Variants in MGA observed in about 807,000 individuals in gnomAD.
MGA encodes the protein MAX gene-associated protein.
A neutral mutation model predicts 261.1 loss-of-function variants in MGA; 40 were observed. The ratio of observed to expected loss-of-function variants is 0.15; its 90% CI spans 0.12 to 0.20. MGA has a LOEUF of 0.20. Among genes scored for constraint, MGA ranks in the 10% least tolerant of loss-of-function variants. The pLI is 1.00. For missense variants in MGA, 3,397 were observed against 3,630.5 expected, an observed-to-expected ratio of 0.94 and a Z score of 1.65; for synonymous variants, 1,302 against 1,290.6, an observed-to-expected ratio of 1.01 and a Z score of -0.19.
intron 2 of MGA, among the ~76,000 whole-genome samples, chr15:41,682,847 T>C (rs1205614003): frequency 6.6e-6 from 1 of 152,148 alleles, no homozygotes; most frequent in African/African-American, 2.4e-5. Context: ...TTTTGTTGTT[T>C]TGTGAAGTTC....
intron 22 of MGA, among the ~76,000 whole-genome samples, chr15:41,764,612 C>T (rs1010500184): frequency 6.6e-6 from 1 of 152,016 alleles, no homozygotes; most frequent in African/African-American, 2.4e-5. Context: ...GTCTCGCTTG[C>T]AGCCTTGACC....
At chr15:41,698,756 C>A in intron 3 of MGA, 107 bp from the exon 4 acceptor site, 1 of 762,452 alleles carries the variant, frequency 1.3e-6, no homozygotes, top group Non-Finnish European at 2.1e-6. Flanking sequence ...TAACTGTAGG[C>A]ATGGAGATAT....
chr15:41,678,184 A>T (rs1595682302), intron 2 of MGA, among the ~76,000 whole-genome samples: 1 of 149,026 alleles, frequency 6.7e-6, no homozygotes, highest in East Asian at 2.0e-4. Flanking sequence ...TGTGCCTCCC[A>T]GGTTCAAGCG....
chr15:41,720,781 C>A (rs781035154), intron 9 of MGA, among the ~76,000 whole-genome samples: 1 of 151,860 alleles, frequency 6.6e-6, no homozygotes, highest in Non-Finnish European at 1.5e-5. Context: ...TGCAGTGAGC[C>A]GAGATTGCAC....
chr15:41,630,135 T>C (rs1365231854), intron 1 of MGA, among the ~76,000 whole-genome samples: 1 of 152,140 alleles, frequency 6.6e-6, no homozygotes, highest in African/African-American at 2.4e-5. Context: ...TTATCACACC[T>C]ACCGTGCCCA....
At chr15:41,730,781 C>G (rs2061467330) in intron 11 of MGA, among the ~76,000 whole-genome samples, 1 of 152,170 alleles carries the variant, frequency 6.6e-6, no homozygotes, top group African/African-American at 2.4e-5. Context: ...TTTGCTGCAA[C>G]TGATAATATT....
At chr15:41,642,053 G>C (rs1165362795) in intron 1 of MGA, among the ~76,000 whole-genome samples, 1 of 152,114 alleles carries the variant, frequency 6.6e-6, no homozygotes, top group Non-Finnish European at 1.5e-5. Flanking sequence ...CTCCTGCCTT[G>C]ACCTCTGAAA....
At chr15:41,665,047 A>G (rs1229931341) in intron 1 of MGA, among the ~76,000 whole-genome samples, 4 of 152,168 alleles carry the variant, frequency 2.6e-5, no homozygotes, top group Non-Finnish European at 5.9e-5. Context: ...CTCTAGTCAT[A>G]ATAGGAAACA....
At chr15:41,693,542 T>G (rs1478987043) in intron 2 of MGA, among the ~76,000 whole-genome samples, 1 of 152,148 alleles carries the variant, frequency 6.6e-6, no homozygotes, top group East Asian at 1.9e-4. Context: ...TGTGCCTATT[T>G]TAAGTTTTAT....
rs2061673869 is a variant in MGA, at chr15:41,734,512, TCTC to T, written c.3844-7_3844-5del. ...AAGTTAAAGTATTTCTGTGTTACTGTCTCCTTCAGGAACCTGATTCTGAACAGC... is the reference window on the plus strand; with the variant it reads ...AAGTTAAAGTATTTCTGTGTTACTGTCTTCAGGAACCTGATTCTGAACAGC... On this transcript the variant is annotated splice_polypyrimidine_tract_variant and splice_region_variant and intron_variant, in intron 11 of 23. Coordinates refer to ENST00000219905, the MANE Select transcript of MGA (RefSeq NM_001164273.2). 6.2e-7 allele frequency: 1 copy of T among 1,600,160 alleles called. No individual in the cohort carries two copies. Among genetic ancestry groups the T allele is most frequent in the African/African-American group, 1.3e-5 (1 of 74,788 alleles).
At chr15:41,651,406 T>C (rs1177768504) in intron 1 of MGA, among the ~76,000 whole-genome samples, 2 of 152,196 alleles carry the variant, frequency 1.3e-5, no homozygotes, top group African/African-American at 4.8e-5. Context: ...TGTAGTTCAT[T>C]GACTACATAG....
In MGA at chr15:41,762,240, C is replaced by T. The variant is rs376565507; in HGVS notation, c.7622C>T (p.Ser2541Phe). 1 of 1,613,912 alleles carries T rather than the reference C, an allele frequency of 6.2e-7. No homozygotes were observed. Residue 2541 changes from serine to phenylalanine, a missense_variant, in exon 22 of 24, where the codon TCT becomes TTT. By Grantham distance (155) the Ser-to-Phe change is radical (BLOSUM62 -2). Around this residue, in one of 9 missense-constraint regions of MGA, gnomAD observed 647 missense variants for 642.4 expected, o/e 1.01. Coordinates refer to ENST00000219905, the MANE Select transcript of MGA (RefSeq NM_001164273.2). The stretch of plus-strand genomic sequence containing the variant: ...ATGGGATCAGATGAGTTTGACATAT[C>T]TCCCAGAATTAGCAAACAGCAGGAA...
chr15:41,711,267 G>C lies in MGA; in HGVS notation c.3002G>C (p.Cys1001Ser), dbSNP rs2060370380. The C allele has an allele frequency of 6.2e-7, 1 of 1,613,986 alleles. No individual in the cohort carries two copies. The highest frequency in any genetic ancestry group is 1.1e-5 in the South Asian group (1 of 91,076). ...GTGAAGCTAATGGACCTGGAAGACT[G>C]TGCACTTTGGGAAGGAAAACCAAGG... The change falls in exon 8 of 24, where the codon TGT becomes TCT. Residue 1001 changes from cysteine to serine, a missense_variant. Cys to Ser is a moderately radical substitution (Grantham distance 112). Around this residue, in one of 9 missense-constraint regions of MGA, gnomAD observed 519 missense variants for 554.1 expected, o/e 0.94. Coordinates refer to ENST00000219905, the MANE Select transcript of MGA (RefSeq NM_001164273.2).
At chr15:41,646,253 C>T (rs1566931149) in intron 1 of MGA, among the ~76,000 whole-genome samples, 1 of 152,072 alleles carries the variant, frequency 6.6e-6, no homozygotes, top group Admixed American at 6.6e-5. Flanking sequence ...AGCTTACTTT[C>T]GTTGCATCCT....
chr15:41,635,515 A>AC (rs35924209), intron 1 of MGA, among the ~76,000 whole-genome samples: 25,137 of 147,398 alleles, frequency 0.17, 2,740 homozygotes, highest in East Asian at 0.65. Context: ...ACATAGTGAG[A>AC]CCCCCCCCCT....
chr15:41,692,477 T>C (rs2059338486), intron 2 of MGA, among the ~76,000 whole-genome samples: 1 of 152,230 alleles, frequency 6.6e-6, no homozygotes, highest in Non-Finnish European at 1.5e-5. Context: ...CTCTCCTTAC[T>C]GTATCTTCAC....
chr15:41,669,035 C>A lies in MGA; in HGVS notation c.141C>A (p.Ala47=), dbSNP rs2057915684. ...GAATTTTGGTTACTAATCAGGATGC[C>A]TGTGCTTTGGCTAGTAGTGTGTCAT... is the stretch of plus-strand genomic sequence containing the variant. Residue 47 remains alanine, a synonymous_variant, in exon 2 of 24, where the codon GCC becomes GCA. Coordinates refer to ENST00000219905, the MANE Select transcript of MGA (RefSeq NM_001164273.2). 2.5e-6 allele frequency: 4 copies of A among 1,613,382 alleles called. No individual in the cohort carries two copies. The highest frequency in any genetic ancestry group is 3.4e-6 in the Non-Finnish European group (4 of 1,179,516).
intron 14 of MGA, 72 bp downstream of exon 14, chr15:41,740,275 G>GCT: frequency 6.8e-7 from 1 of 1,469,198 alleles, no homozygotes; most frequent in Non-Finnish European, 9.3e-7. Context: ...CAGGTATGGA[G>GCT]GTTGTAAAAA....
intron 18 of MGA, among the ~76,000 whole-genome samples, chr15:41,754,872 C>G (rs373991711): frequency 2.0e-5 from 3 of 152,096 alleles, no homozygotes; most frequent in East Asian, 1.9e-4. Context: ...CTCTCTGAAC[C>G]TCAGATTCTT....
Sources: allele counts gnomAD v4.1 joint callset (sites outside exome capture counted in the v4.1 genomes callset), GRCh38; gene constraint gnomAD v4.1.1; regional missense constraint gnomAD v4.1.1; transcripts MANE v1.5; gene names NCBI Gene and HGNC (gene_info 2026-07-23, HGNC 2026-07-21).